Variants in HNF1A observed in about 807,000 individuals in gnomAD.
HNF1A encodes hepatocyte nuclear factor 1-alpha.
Under a neutral mutation model 62.2 loss-of-function variants are expected in HNF1A, and 21 were observed. The ratio of observed to expected loss-of-function variants is 0.34; its 90% CI spans 0.24 to 0.49. HNF1A has a LOEUF of 0.49. Ranked by LOEUF, HNF1A falls within the 20% of genes least tolerant of loss-of-function variation. HNF1A has a pLI of 0.99. For missense variants in HNF1A, 687 were observed against 832.3 expected (o/e 0.83, Z 2.15); for synonymous variants, 374 against 366.8 (o/e 1.02, Z -0.22).
Position 121,002,142 on chromosome 12 carries a change from G to C in HNF1A, c.*950G>C. On this transcript the variant is annotated 3_prime_UTR_variant, in exon 10 of 10. Transcript: ENST00000257555. ...AGGCCCGAGCAGCTGAGCAGGGCCG[G>C]GGAACTGGCCAAGCTGAGGTGCCCA... 1.9e-6 allele frequency: 1 copy of C among 517,318 alleles called. No individual in the cohort carries two copies. Among genetic ancestry groups the C allele is most frequent in the South Asian group, 1.6e-5 (1 of 62,606 alleles). The allele number at this position is 517,318 out of a possible 1,614,324, so 32.0% of individuals were successfully genotyped here.
At position 120,996,732 on chromosome 12, in the gene HNF1A, C is replaced by T. The variant is rs748319696; in HGVS notation, c.1299C>T (p.Thr433=). The T allele has an allele frequency of 6.2e-7, 1 of 1,614,038 alleles. No individual in the cohort carries two copies. The highest frequency in any genetic ancestry group is 8.5e-7 in the Non-Finnish European group (1 of 1,179,984). The stretch of plus-strand genomic sequence containing the variant: ...CGTTCACCAACACAGGTGCCTCCAC[C>T]CTGGTCATCGGTAAGCTGGTGGGGA... The part of the protein sequence containing the change: ...GPTFTNTGAS[T]LVIGLASTQA... Residue 433 remains threonine (T), a synonymous_variant, in exon 6 of 10, where the codon ACC becomes ACT. Coordinates refer to ENST00000257555, the MANE Select transcript of HNF1A (RefSeq NM_000545.8). The surrounding 1 kb of genome is among the most constrained non-coding windows in gnomAD (Gnocchi z 4.5).
chr12:121,001,951 C>A lies in HNF1A; in HGVS notation c.*759C>A. The A allele has an allele frequency of 3.8e-6, 2 of 529,546 alleles. No homozygotes were observed. Among genetic ancestry groups the A allele is most frequent in the South Asian group, 1.6e-5 (1 of 64,140 alleles). 32.8% of individuals were successfully genotyped at this position (529,546 alleles called of 1,614,324 possible). A position where few individuals can be genotyped will look rare whatever the true frequency, so the allele number is the denominator to read the frequency against. On this transcript the variant is annotated 3_prime_UTR_variant, in exon 10 of 10. Transcript: ENST00000257555. ...CCTCTGAGGCCAGCCTGGCCTCCTGCCTCTACTGGGAAGGCTACTTCGGGG... is the reference window on the plus strand; with the variant it reads ...CCTCTGAGGCCAGCCTGGCCTCCTGACTCTACTGGGAAGGCTACTTCGGGG...
intron 2 of HNF1A, among the ~76,000 whole-genome samples, chr12:120,992,424 T>G (rs1876883883): frequency 6.6e-6 from 1 of 152,190 alleles, no homozygotes; most frequent in Admixed American, 6.5e-5. Context: ...GATGAGGTCT[T>G]GCCATGTTGC....
chr12:121,001,439 G>A lies in HNF1A; in HGVS notation c.*247G>A. 1 of 549,050 alleles carries A rather than the reference G, an allele frequency of 1.8e-6. No homozygotes were observed. Among genetic ancestry groups the A allele is most frequent in the Admixed American group, 3.1e-5 (1 of 32,218 alleles). The allele number at this position is 549,050 out of a possible 1,614,324, so 34.0% of individuals were successfully genotyped here. A position where few individuals can be genotyped will look rare whatever the true frequency, so the allele number is the denominator to read the frequency against. ...CTAGGAGCAAAGCCTGTTCATGGCA[G>A]ATGTAGGAGGGACTGTCGCTGCTTC... is the stretch of plus-strand genomic sequence containing the variant. On this transcript the variant is annotated 3_prime_UTR_variant, in exon 10 of 10. Transcript: ENST00000257555.
At chr12:120,990,701 A>AGG (rs1876793760) in intron 2 of HNF1A, among the ~76,000 whole-genome samples, 3 of 146,738 alleles carry the variant, frequency 2.0e-5, no homozygotes, top group African/African-American at 7.6e-5. Context: ...GAAGGAAGGA[A>AGG]AAGAAAAGAA....
chr12:120,990,731 G>A (rs1876796342), intron 2 of HNF1A, among the ~76,000 whole-genome samples: 1 of 151,140 alleles, frequency 6.6e-6, no homozygotes, highest in Admixed American at 6.6e-5. Context: ...ACGAGAGAAA[G>A]AAAGAAAGGC....
At chr12:120,993,455 C>T in intron 2 of HNF1A, 65 bp from the exon 3 acceptor site, 2 of 1,518,640 alleles carry the variant, frequency 1.3e-6, no homozygotes, top group East Asian at 2.3e-5. Context: ...AGGGCAAGGT[C>T]AGGGGAATGG....
chr12:120,994,322 C>A lies in HNF1A; in HGVS notation c.872C>A (p.Pro291Gln), dbSNP rs193922606. Residue 291 changes from proline to glutamine, a missense_variant, in exon 4 of 10, where the codon CCA becomes CAA. Coordinates refer to ENST00000257555, the MANE Select transcript of HNF1A (RefSeq NM_000545.8). The part of the protein sequence containing the change: ...LAMDTYSGPP[P>Q]GPGPGPALPA... ...ATGGACACGTACAGCGGGCCCCCCC[C>A]AGGGCCAGGCCCGGGACCTGCGCTG... 5.0e-5 allele frequency: 80 copies of A among 1,609,652 alleles called. No homozygotes were observed. Among genetic ancestry groups the A allele is most frequent in the African/African-American group, 1.6e-4 (12 of 74,870 alleles).
chr12:120,983,591 G>A (rs915470502), intron 1 of HNF1A, among the ~76,000 whole-genome samples: 5 of 151,532 alleles, frequency 3.3e-5, no homozygotes, highest in African/African-American at 1.2e-4. Flanking sequence ...TGTTGCTGGG[G>A]GTGGAGTGCA....
At chr12:120,994,590 T>C (rs1876996228) in intron 4 of HNF1A, among the ~76,000 whole-genome samples, 185 bp downstream of exon 4, 1 of 151,596 alleles carries the variant, frequency 6.6e-6, no homozygotes, top group African/African-American at 2.4e-5. Flanking sequence ...TTCCATTCAC[T>C]CTACTCCTTT....
At chr12:120,979,939 C>CCCA (rs1876164098) in intron 1 of HNF1A, among the ~76,000 whole-genome samples, 3 of 152,036 alleles carry the variant, frequency 2.0e-5, no homozygotes. Flanking sequence ...CAACCCACCT[C>CCCA]CCACCTAGTG....
chr12:120,997,242 G>T, intron 6 of HNF1A: 3 of 1,428,200 alleles, frequency 2.1e-6, no homozygotes. Context: ...ACAAGTCACC[G>T]CCTGCCTCTC....
Position 120,996,178 on chromosome 12 carries a change from T to A in HNF1A, c.956-84T>A, listed in dbSNP as rs1490898155. 1.3e-6 allele frequency: 2 copies of A among 1,526,964 alleles called. No homozygotes were observed. Among genetic ancestry groups the A allele is most frequent in the Non-Finnish European group, 1.8e-6 (2 of 1,107,074 alleles). The allele number at this position is 1,526,964 out of a possible 1,614,324, so 94.6% of individuals were successfully genotyped here. A position where few individuals can be genotyped will look rare whatever the true frequency, so the allele number is the denominator to read the frequency against. Reference sequence around the variant, plus strand: ...CAGGCAGCTGGCCTAAGCAAACCAATGGAGTTTGAAGTGCTGAGGGCTGTG... The same window carrying A: ...CAGGCAGCTGGCCTAAGCAAACCAAAGGAGTTTGAAGTGCTGAGGGCTGTG... On this transcript the variant is annotated intron_variant, in intron 4 of 9. Transcript: ENST00000257555. This position sits in a 1 kb window ranked among gnomAD's most constrained non-coding sequence, Gnocchi z 4.5.
In HNF1A at chr12:120,978,820, G is replaced by A; in HGVS notation, c.52G>A (p.Glu18Lys). The part of the protein sequence containing the change: ...LQTELLAALL[E>K]SGLSKEALIQ... ...GACGGAGCTCCTGGCGGCCCTGCTC[G>A]AGTCAGGGCTGAGCAAAGAGGCACT... Residue 18 changes from glutamate (E) to lysine (K), a missense_variant, in exon 1 of 10, where the codon GAG becomes AAG. Glu to Lys is a moderately conservative substitution (Grantham distance 56, BLOSUM62 1). This residue lies in a region of HNF1A where 159 missense variants were observed against 154.4 expected (regional missense o/e 1.03). Transcript: ENST00000257555. The A allele has an allele frequency of 6.2e-7, 1 of 1,613,150 alleles. No homozygotes were observed. The highest frequency in any genetic ancestry group is 1.1e-5 in the South Asian group (1 of 91,070).
At chr12:120,981,488 A>G (rs2135823146) in intron 1 of HNF1A, among the ~76,000 whole-genome samples, 1 of 151,700 alleles carries the variant, frequency 6.6e-6, no homozygotes, top group Middle Eastern at 3.4e-3. Context: ...CCCTCCCTCC[A>G]CCCCACCAAA....
At chr12:120,982,704 C>A (rs1876316471) in intron 1 of HNF1A, among the ~76,000 whole-genome samples, 5 of 152,130 alleles carry the variant, frequency 3.3e-5, no homozygotes, top group Admixed American at 3.3e-4. Flanking sequence ...TACAGATGAG[C>A]AAATTAAGGC....
In HNF1A at chr12:120,999,475, TC is replaced by T. The variant is rs756984169; in HGVS notation, c.1624-3del. 3 of 1,613,582 alleles carry T rather than the reference TC, an allele frequency of 1.9e-6. No individual in the cohort carries two copies. In the Admixed American group the frequency reaches 5.0e-5, roughly 27 times the overall value. ...CCCCGGGCTCAGGAGGCTGCTCTGC[TC>T]CCCCAGGTCTTCACCTCAGACACTG... On this transcript the variant is annotated splice_region_variant and splice_polypyrimidine_tract_variant and intron_variant, in intron 8 of 9. Transcript: ENST00000257555.
chr12:120,992,684 C>T (rs574584496), intron 2 of HNF1A, among the ~76,000 whole-genome samples: 24 of 152,268 alleles, frequency 1.6e-4, no homozygotes, highest in Non-Finnish European at 5.9e-5. Context: ...AATCCCAGCA[C>T]ATTTGGGAGG....
chr12:120,982,251 G>A (rs1876287903), intron 1 of HNF1A, among the ~76,000 whole-genome samples: 1 of 152,052 alleles, frequency 6.6e-6, no homozygotes, highest in African/African-American at 2.4e-5. Flanking sequence ...TTGTATTTTA[G>A]TAGAGATGGG....
Sources: gnomAD v4.1 joint callset for allele counts (sites outside exome capture counted in the v4.1 genomes callset) on GRCh38, gnomAD v4.1.1 for gene constraint, gnomAD v4.1.1 regional missense constraint, Gnocchi (gnomAD v3.1) non-coding constraint, MANE v1.5 for transcripts, NCBI Gene and HGNC (gene_info 2026-07-23, HGNC 2026-07-21) for gene names.